Variants in CPE observed in about 807,000 individuals in gnomAD.
CPE encodes the protein carbocypeptidase E.
A neutral mutation model predicts 53.5 loss-of-function variants in CPE; 17 were observed. The observed-to-expected ratio is 0.32, with a 90% CI of 0.22 to 0.48. CPE has a LOEUF of 0.48. Ranked by LOEUF, CPE falls within the 20% of genes least tolerant of loss-of-function variation. The probability of loss-of-function intolerance (pLI) is 0.99; values close to 1 mark genes in which losing one functional copy is unlikely to be tolerated. For synonymous variants in CPE, 226 were observed against 228.8 expected (o/e 0.99, Z 0.11); for missense variants, 524 against 614.7 (o/e 0.85, Z 1.56).
chr4:165,408,661 G>C (rs1260172215), intron 1 of CPE, among the ~76,000 whole-genome samples: 1 of 152,174 alleles, frequency 6.6e-6, no homozygotes, highest in Non-Finnish European at 1.5e-5. Flanking sequence ...TGGTTGCTGG[G>C]GTCCCACCCC....
At chr4:165,404,432 C>T (rs979906041) in intron 1 of CPE, 5 of 765,772 alleles carry the variant, frequency 6.5e-6, no homozygotes, top group Admixed American at 1.7e-5. Flanking sequence ...ATTCTTCACA[C>T]TCTCCTGATA....
At chr4:165,405,083 C>G (rs1730931013) in intron 1 of CPE, 2 of 727,940 alleles carry the variant, frequency 2.7e-6, no homozygotes, top group Admixed American at 3.9e-5. Context: ...AGTCAAGTTG[C>G]TGAAGATGGA....
chr4:165,395,436 A>G (rs1303734881), intron 1 of CPE, among the ~76,000 whole-genome samples: 1 of 152,158 alleles, frequency 6.6e-6, no homozygotes, highest in African/African-American at 2.4e-5. Flanking sequence ...AGAAAGTTCT[A>G]CCTATGCCAA....
intron 1 of CPE, chr4:165,415,079 C>T (rs1393895764): frequency 6.0e-6 from 1 of 165,622 alleles, no homozygotes; most frequent in African/African-American, 2.4e-5. Context: ...TTGCTGCTGA[C>T]AAATCATAAA....
intron 1 of CPE, among the ~76,000 whole-genome samples, chr4:165,421,535 G>A (rs990931098): frequency 5.3e-5 from 8 of 152,248 alleles, no homozygotes; most frequent in South Asian, 4.1e-4. Flanking sequence ...AAAAAATCCC[G>A]CATATTTACC....
chr4:165,459,706 AGG>A (rs1165113535), intron 1 of CPE, among the ~76,000 whole-genome samples: 31 of 101,750 alleles, frequency 3.0e-4, no homozygotes, highest in Non-Finnish European at 5.5e-4. Flanking sequence ...TGAGGTCAGG[AGG>A]AGTTCGAGAC....
intron 1 of CPE, among the ~76,000 whole-genome samples, chr4:165,447,101 A>G (rs753232924): frequency 6.6e-6 from 1 of 152,214 alleles, no homozygotes; most frequent in Non-Finnish European, 1.5e-5. Context: ...ATAAAAATAC[A>G]GCATGAAAGA....
rs554021167 is a variant in CPE at position 165,379,040 on chromosome 4, C to G, written c.-182C>G. ...CAGCCCGTGGAGCCGCGGCTTTGCC[C>G]GTCTCCTCTGGGTGGCCCCAGTGCG... On this transcript the variant is annotated 5_prime_UTR_variant, in exon 1 of 9. Coordinates refer to ENST00000402744, the MANE Select transcript of CPE (RefSeq NM_001873.4). The surrounding 1 kb of genome is among the most constrained non-coding windows in gnomAD (Gnocchi z 6.0). The G allele has an allele frequency of 6.0e-3, 2,767 of 459,090 alleles. 8 individuals carry two copies. Among genetic ancestry groups the G allele is most frequent in the Non-Finnish European group, 7.3e-3 (2,153 of 295,880 alleles). 28.4% of individuals were successfully genotyped at this position (459,090 alleles called of 1,614,324 possible). A position where few individuals can be genotyped will look rare whatever the true frequency, so the allele number is the denominator to read the frequency against.
At chr4:165,450,057 T>A (rs997880354) in intron 1 of CPE, among the ~76,000 whole-genome samples, 1 of 152,204 alleles carries the variant, frequency 6.6e-6, no homozygotes, top group Non-Finnish European at 1.5e-5. Context: ...GGGACACACA[T>A]GAAATTAAAG....
chr4:165,410,952 G>C (rs766294335), intron 1 of CPE, among the ~76,000 whole-genome samples: 1 of 152,102 alleles, frequency 6.6e-6, no homozygotes, highest in African/African-American at 2.4e-5. Context: ...GACGTCAAAG[G>C]TAATTTCATG....
At chr4:165,420,916 C>G (rs1337726400) in intron 1 of CPE, among the ~76,000 whole-genome samples, 2 of 152,134 alleles carry the variant, frequency 1.3e-5, no homozygotes, top group Admixed American at 1.3e-4. Context: ...TTTCTACTTT[C>G]TGACATTTTA....
At chr4:165,452,079 TGTC>T (rs1177435884) in intron 1 of CPE, among the ~76,000 whole-genome samples, 1 of 152,108 alleles carries the variant, frequency 6.6e-6, no homozygotes, top group South Asian at 2.1e-4. Flanking sequence ...TATGGCTTGT[TGTC>T]ACATGTGTGC....
intron 1 of CPE, among the ~76,000 whole-genome samples, chr4:165,421,305 C>T (rs1284047121): frequency 6.6e-6 from 1 of 152,192 alleles, no homozygotes; most frequent in Non-Finnish European, 1.5e-5. Flanking sequence ...TTAGGACCTA[C>T]GTGCCTGGCC....
intron 1 of CPE, among the ~76,000 whole-genome samples, chr4:165,397,765 G>A (rs1468304841): frequency 6.6e-6 from 1 of 151,988 alleles, no homozygotes; most frequent in Admixed American, 6.6e-5. Flanking sequence ...TTTTGGCCAG[G>A]CATAGTGGCT....
chr4:165,411,741 T>TA (rs967110787), intron 1 of CPE, among the ~76,000 whole-genome samples: 1 of 152,144 alleles, frequency 6.6e-6, no homozygotes, highest in African/African-American at 2.4e-5. Context: ...ATTAATGCAA[T>TA]AAAAAATTAT....
chr4:165,479,991 CA>C (rs80059796), intron 3 of CPE, among the ~76,000 whole-genome samples: 2,160 of 63,786 alleles, frequency 0.034, 7 homozygotes, highest in African/African-American at 0.053. Flanking sequence ...GACTCCGCCT[CA>C]AAAAAAAAAA....
At chr4:165,452,069 T>C (rs938217752) in intron 1 of CPE, among the ~76,000 whole-genome samples, 1 of 151,772 alleles carries the variant, frequency 6.6e-6, no homozygotes, top group African/African-American at 2.4e-5. Flanking sequence ...GAGAGACAAA[T>C]ATGGCTTGTT....
At chr4:165,447,621 T>C (rs1731739817) in intron 1 of CPE, among the ~76,000 whole-genome samples, 1 of 151,948 alleles carries the variant, frequency 6.6e-6, no homozygotes, top group Non-Finnish European at 1.5e-5. Flanking sequence ...TCTTTATTTT[T>C]TCAGTAACAA....
chr4:165,387,135 A>G (rs1034239312), intron 1 of CPE, among the ~76,000 whole-genome samples: 1 of 152,218 alleles, frequency 6.6e-6, no homozygotes, highest in Non-Finnish European at 1.5e-5. Context: ...CTAATAAAAC[A>G]TGGCCTAAGA....
Sources: allele counts gnomAD v4.1 joint callset (sites outside exome capture counted in the v4.1 genomes callset), GRCh38; gene constraint gnomAD v4.1.1; non-coding constraint Gnocchi (gnomAD v3.1); transcripts MANE v1.5; gene names NCBI Gene and HGNC (gene_info 2026-07-23, HGNC 2026-07-21).